Variants in NRXN1 observed in about 807,000 individuals in gnomAD.
The protein encoded by NRXN1 is neurexin-1.
In NRXN1, 39 loss-of-function variants were observed where a neutral mutation model predicts 150.9. The ratio of observed to expected loss-of-function variants is 0.26; its 90% CI spans 0.20 to 0.34. The LOEUF is 0.34. Among genes scored for constraint, NRXN1 ranks in the 10% least tolerant of loss-of-function variants. The pLI is 1.00. For synonymous variants in NRXN1, 924 were observed against 757.0 expected, an observed-to-expected ratio of 1.22 and a Z score of -3.62; for missense variants, 1,815 against 1,949.9, an observed-to-expected ratio of 0.93 and a Z score of 1.30.
At chr2:50,747,307 G>A (rs1312002534) in intron 5 of NRXN1, among the ~76,000 whole-genome samples, 2 of 152,082 alleles carry the variant, frequency 1.3e-5, no homozygotes, top group African/African-American at 2.4e-5. Flanking sequence ...CCGTGAGACA[G>A]GAATGAGGAG....
intron 2 of NRXN1, among the ~76,000 whole-genome samples, chr2:50,991,560 T>C (rs1016729481): frequency 2.6e-5 from 4 of 152,042 alleles, no homozygotes; most frequent in African/African-American, 9.7e-5. Flanking sequence ...ACTCCTATAC[T>C]AGTGCTTTGA....
chr2:50,806,510 T>C (rs1006335262), intron 5 of NRXN1, among the ~76,000 whole-genome samples: 1 of 152,190 alleles, frequency 6.6e-6, no homozygotes, highest in African/African-American at 2.4e-5. Context: ...AGTTAAACTT[T>C]CTATGCTTAA....
intron 3 of NRXN1, among the ~76,000 whole-genome samples, chr2:50,923,814 A>C (rs1686454855): frequency 6.6e-6 from 1 of 151,842 alleles, no homozygotes; most frequent in East Asian, 1.9e-4. Context: ...ATCAGTATTT[A>C]AATTATCTGT....
intron 17 of NRXN1, among the ~76,000 whole-genome samples, chr2:50,462,063 C>T (rs751511168): frequency 7.2e-5 from 11 of 151,860 alleles, no homozygotes; most frequent in Non-Finnish European, 1.3e-4. Context: ...CATTGACTAA[C>T]TTGGAGAGTA....
At chr2:50,928,286 A>G (rs531222618) in intron 2 of NRXN1, among the ~76,000 whole-genome samples, 1 of 152,154 alleles carries the variant, frequency 6.6e-6, no homozygotes, top group African/African-American at 2.4e-5. Context: ...GATGGTGATG[A>G]TGATGAAGAC....
intron 19 of NRXN1, among the ~76,000 whole-genome samples, chr2:50,056,155 G>A (rs995722817): frequency 2.0e-5 from 3 of 152,146 alleles, no homozygotes; most frequent in African/African-American, 7.2e-5. Context: ...AGAGGTGAAA[G>A]AAATGTTGAA....
intron 2 of NRXN1, among the ~76,000 whole-genome samples, chr2:50,976,405 CTTT>C (rs1293609478): frequency 6.6e-6 from 1 of 151,890 alleles, no homozygotes; most frequent in Non-Finnish European, 1.5e-5. Context: ...CTTACATCTT[CTTT>C]AATTGCTGTG....
At chr2:50,135,430 C>G (rs372489019) in intron 18 of NRXN1, among the ~76,000 whole-genome samples, 2 of 151,912 alleles carry the variant, frequency 1.3e-5, no homozygotes, top group Non-Finnish European at 2.9e-5. Context: ...CGGTGGCTCA[C>G]GCCTGTAATC....
At chr2:50,323,859 A>G (rs2076209282) in intron 17 of NRXN1, among the ~76,000 whole-genome samples, 1 of 152,176 alleles carries the variant, frequency 6.6e-6, no homozygotes, top group Non-Finnish European at 1.5e-5. Flanking sequence ...ATTTTAACAA[A>G]AGTGGATCAA....
chr2:50,165,337 G>A (rs1034501701), intron 18 of NRXN1, among the ~76,000 whole-genome samples: 1 of 152,022 alleles, frequency 6.6e-6, no homozygotes, highest in South Asian at 2.1e-4. Context: ...TCTGGATGAA[G>A]CCTCAGCACT....
At chr2:50,069,535 T>C (rs17039753) in intron 19 of NRXN1, among the ~76,000 whole-genome samples, 5,532 of 152,278 alleles carry the variant, frequency 0.036, 341 homozygotes, top group African/African-American at 0.13. Flanking sequence ...CAGTGAAATA[T>C]TTGGCTTGAC....
At chr2:49,944,153 G>A (rs1333143113) in intron 21 of NRXN1, among the ~76,000 whole-genome samples, 1 of 152,182 alleles carries the variant, frequency 6.6e-6, no homozygotes, top group Non-Finnish European at 1.5e-5. Flanking sequence ...GTATGCATCA[G>A]TGGGCTTTAT....
At chr2:50,171,967 A>C (rs577593614) in intron 18 of NRXN1, among the ~76,000 whole-genome samples, 2 of 152,294 alleles carry the variant, frequency 1.3e-5, no homozygotes, top group South Asian at 4.1e-4. Flanking sequence ...TTAGAAACAG[A>C]TGAATAGTCA....
At chr2:50,448,466 C>T (rs989495364) in intron 17 of NRXN1, among the ~76,000 whole-genome samples, 1 of 151,968 alleles carries the variant, frequency 6.6e-6, no homozygotes, top group African/African-American at 2.4e-5. Flanking sequence ...TAATGTTGCA[C>T]AATGAGGAGT....
intron 5 of NRXN1, among the ~76,000 whole-genome samples, chr2:50,864,899 A>T (rs1042276950): frequency 3.3e-5 from 5 of 152,004 alleles, no homozygotes; most frequent in African/African-American, 1.2e-4. Flanking sequence ...CAGCAAGTCC[A>T]GGGTGGGGCC....
At chr2:49,969,017 T>A (rs17039592) in intron 21 of NRXN1, among the ~76,000 whole-genome samples, 20,767 of 152,046 alleles carry the variant, frequency 0.14, 1,802 homozygotes, top group East Asian at 0.23. Context: ...GGGTGCTTAG[T>A]AATTACTTAT....
At chr2:50,453,610 C>A (rs185180204) in intron 17 of NRXN1, among the ~76,000 whole-genome samples, 1 of 152,144 alleles carries the variant, frequency 6.6e-6, no homozygotes, top group African/African-American at 2.4e-5. Flanking sequence ...GTTCTTGGTA[C>A]GGTTGCATAT....
At position 50,376,793 on chromosome 2, in the gene NRXN1, A is replaced by G. The variant is rs1480568386; in HGVS notation, c.3364+88649T>C. Among the ~76,000 whole-genome samples, 3 of 152,248 alleles carry G rather than the reference A, an allele frequency of 2.0e-5. No individual in the cohort carries two copies. The East Asian group carries it at 5.8e-4, about 29-fold the overall frequency. ...AAGAATCACAGATTTAGAGTTGAAG[A>G]AACTCTTAACAATAACTTAACAACC... On this transcript the variant is annotated intron_variant, in intron 17 of 22. Transcript: ENST00000401669.
intron 17 of NRXN1, among the ~76,000 whole-genome samples, chr2:50,278,119 A>G (rs2070808895): frequency 8.2e-6 from 1 of 122,670 alleles, no homozygotes; most frequent in Non-Finnish European, 1.6e-5. Flanking sequence ...CCCAGGCTGG[A>G]GGGCAGTGGC....
Sources: gnomAD v4.1 joint callset for allele counts (sites outside exome capture counted in the v4.1 genomes callset) on GRCh38, gnomAD v4.1.1 for gene constraint, MANE v1.5 for transcripts, NCBI Gene and HGNC (gene_info 2026-07-23, HGNC 2026-07-21) for gene names.